Variants in HMCN1 observed in about 807,000 individuals in gnomAD.
The protein encoded by HMCN1 is hemicentin-1.
Under a neutral mutation model 625.9 loss-of-function variants are expected in HMCN1, and 321 were observed. That is an observed-to-expected ratio of 0.51 (90% CI 0.47 to 0.56). HMCN1 has a LOEUF of 0.56. HMCN1 is among the 20% of genes least tolerant of loss of function. The pLI is 0.00. For missense variants in HMCN1, 6,588 were observed against 6,887.3 expected (o/e 0.96, Z 1.54); for synonymous variants, 2,425 against 2,417.6 (o/e 1.00, Z -0.09).
chr1:186,043,275 T>C (rs979461148), intron 40 of HMCN1, among the ~76,000 whole-genome samples: 4 of 152,070 alleles, frequency 2.6e-5, no homozygotes, highest in African/African-American at 9.7e-5. Context: ...GCTGAGGATC[T>C]AAAGGGTAGA....
At position 186,003,840 on chromosome 1, in the gene HMCN1, G is replaced by A. The variant is rs531634952; in HGVS notation, c.4471G>A (p.Gly1491Ser). ...PFPDIHWFKD[G>S]KPLFLGDPNV... ...TCCTGATATTCATTGGTTCAAAGAT[G>A]GCAAGTGAGTATCTTTTCTGTATTT... is the stretch of plus-strand genomic sequence containing the variant. The change falls in exon 29 of 107, where the codon GGC becomes AGC. Residue 1491 changes from glycine (G) to serine (S), a missense_variant. This residue lies in a region of HMCN1 where 4,628 missense variants were observed against 4,853.1 expected (regional missense o/e 0.95). Coordinates refer to ENST00000271588, the MANE Select transcript of HMCN1 (RefSeq NM_031935.3). 6.2e-7 allele frequency: 1 copy of A among 1,613,076 alleles called. No individual in the cohort carries two copies. Among genetic ancestry groups the A allele is most frequent in the East Asian group, 2.2e-5 (1 of 44,826 alleles).
At chr1:185,740,876 C>T (rs956628036) in intron 1 of HMCN1, among the ~76,000 whole-genome samples, 1 of 152,066 alleles carries the variant, frequency 6.6e-6, no homozygotes, top group Non-Finnish European at 1.5e-5. Flanking sequence ...TGCCTATAGT[C>T]TCAGCTTCTT....
intron 96 of HMCN1, 29 bp from the exon 97 acceptor site, chr1:186,153,721 G>A (rs1329295730): frequency 6.3e-7 from 1 of 1,585,250 alleles, no homozygotes; most frequent in Admixed American, 1.7e-5. Context: ...GAGCCATATT[G>A]ATCTTCAAAT....
chr1:186,015,151 C>CTTTG lies in HMCN1; in HGVS notation c.4631-6_4631-3dup, dbSNP rs1306722010. On this transcript the variant is annotated splice_region_variant and splice_polypyrimidine_tract_variant and intron_variant, in intron 30 of 106. Transcript: ENST00000271588. ...GATGACTTGTTTTTGTTCTGAAATC[C>CTTTG]TTTGTAGTTCCACCTAGTATTAAAG... The CTTTG allele has an allele frequency of 6.2e-7, 1 of 1,611,996 alleles. No homozygotes were observed. The highest frequency in any genetic ancestry group is 8.5e-7 in the Non-Finnish European group (1 of 1,178,440).
intron 14 of HMCN1, among the ~76,000 whole-genome samples, chr1:185,967,227 A>G (rs1264571743): frequency 1.3e-5 from 2 of 152,166 alleles, no homozygotes; most frequent in East Asian, 3.9e-4. Flanking sequence ...ATATGTGTAT[A>G]TAGCAGAGTC....
intron 14 of HMCN1, among the ~76,000 whole-genome samples, 162 bp from the exon 15 acceptor site, chr1:185,970,173 G>C (rs981264128): frequency 6.6e-6 from 1 of 152,090 alleles, no homozygotes; most frequent in Non-Finnish European, 1.5e-5. Context: ...GTTTATTACA[G>C]GTCTGAATTT....
In HMCN1 at chr1:185,838,137, C is replaced by T. The variant is rs144253078; in HGVS notation, c.269-7889C>T. Reference sequence around the variant, plus strand: ...ATATAGGTTGTGCTTCACCTCTAGGCAGCCTGGTTTGCCAGATTCCCCTTC... The same window carrying T: ...ATATAGGTTGTGCTTCACCTCTAGGTAGCCTGGTTTGCCAGATTCCCCTTC... On this transcript the variant is annotated intron_variant, in intron 1 of 106. Transcript: ENST00000271588. Among the ~76,000 whole-genome samples, 7 of 152,260 alleles carry T rather than the reference C, an allele frequency of 4.6e-5. No homozygotes were observed. The East Asian group carries it at 9.7e-4, about 21-fold the overall frequency.
rs370407257 is a variant in HMCN1 at position 186,108,456 on chromosome 1, C to A, written c.10853-5C>A. ...TGCTTTTGTTGTATTTGTTCTCACA[C>A]CCAGTACCTCCTAATATTGCTGGAA... On this transcript the variant is annotated splice_polypyrimidine_tract_variant and splice_region_variant and intron_variant, in intron 70 of 106. Transcript: ENST00000271588. 6.8e-6 allele frequency: 11 copies of A among 1,613,946 alleles called. No individual in the cohort carries two copies. Among genetic ancestry groups the A allele is most frequent in the Non-Finnish European group, 8.5e-6 (10 of 1,179,992 alleles).
rs75434410 is a variant in HMCN1, at chr1:185,786,559, A to G, written c.268+51512A>G. Among the ~76,000 whole-genome samples, 901 of 152,226 alleles carry G rather than the reference A, an allele frequency of 5.9e-3. 5 individuals carry two copies. The highest frequency in any genetic ancestry group is 0.021 in the African/African-American group (861 of 41,534). On this transcript the variant is annotated intron_variant, in intron 1 of 106. Coordinates refer to ENST00000271588, the MANE Select transcript of HMCN1 (RefSeq NM_031935.3). The stretch of plus-strand genomic sequence containing the variant: ...TTTGATTTCCTTGGAAATCTGTCCT[A>G]TGGTTTAGACTGGGCCCAGCAGTTG...
intron 4 of HMCN1, among the ~76,000 whole-genome samples, chr1:185,894,993 A>G (rs16824657): frequency 0.064 from 9,662 of 152,154 alleles, 1,072 homozygotes; most frequent in African/African-American, 0.22. Flanking sequence ...TAGAGTTATC[A>G]ATTTGGCTTT....
intron 1 of HMCN1, among the ~76,000 whole-genome samples, chr1:185,803,195 A>G (rs1014125937): frequency 1.4e-5 from 2 of 144,328 alleles, no homozygotes; most frequent in African/African-American, 5.5e-5. Flanking sequence ...AACCAAAAAA[A>G]AAAAAAAAGC....
intron 28 of HMCN1, among the ~76,000 whole-genome samples, chr1:186,003,241 A>G (rs1423156527): frequency 6.6e-6 from 1 of 152,132 alleles, no homozygotes; most frequent in Non-Finnish European, 1.5e-5. Flanking sequence ...AAACTAGCAC[A>G]TTATTTTTCA....
intron 97 of HMCN1, among the ~76,000 whole-genome samples, chr1:186,156,371 T>C (rs1382323083): frequency 6.6e-6 from 1 of 152,116 alleles, no homozygotes; most frequent in Non-Finnish European, 1.5e-5. Context: ...ATACCCTCAG[T>C]AGAAAAATGC....
intron 24 of HMCN1, among the ~76,000 whole-genome samples, chr1:185,996,920 A>G (rs970153758): frequency 1.3e-5 from 2 of 152,094 alleles, no homozygotes; most frequent in African/African-American, 4.8e-5. Flanking sequence ...TAAGTCAATG[A>G]TGAGATTTGT....
intron 89 of HMCN1, among the ~76,000 whole-genome samples, chr1:186,143,262 G>A (rs988085451): frequency 1.3e-5 from 2 of 152,280 alleles, no homozygotes; most frequent in Admixed American, 6.5e-5. Context: ...ACTTGTTCTG[G>A]AGAATATTTA....
chr1:185,852,618 AC>A (rs1662233696), intron 2 of HMCN1, among the ~76,000 whole-genome samples: 2 of 144,890 alleles, frequency 1.4e-5, no homozygotes, highest in Admixed American at 1.4e-4. Context: ...ACACACACAC[AC>A]ACACACTTTA....
intron 2 of HMCN1, among the ~76,000 whole-genome samples, chr1:185,855,033 A>G (rs1389493349): frequency 6.6e-6 from 1 of 152,202 alleles, no homozygotes; most frequent in Non-Finnish European, 1.5e-5. Context: ...AGCAGAGAGG[A>G]AAAACAGAGA....
chr1:185,869,039 A>G (rs1300518407), intron 4 of HMCN1, among the ~76,000 whole-genome samples: 1 of 152,196 alleles, frequency 6.6e-6, no homozygotes, highest in Admixed American at 6.5e-5. Flanking sequence ...AGCAATTCTA[A>G]CCACCTCACC....
chr1:185,989,054 C>T (rs1254937240), intron 20 of HMCN1, among the ~76,000 whole-genome samples: 1 of 138,436 alleles, frequency 7.2e-6, no homozygotes, highest in East Asian at 2.1e-4. Flanking sequence ...GTCACACAGG[C>T]TGGAGTGCAG....
Sources: gnomAD v4.1 joint callset for allele counts (sites outside exome capture counted in the v4.1 genomes callset) on GRCh38, gnomAD v4.1.1 for gene constraint, gnomAD v4.1.1 regional missense constraint, MANE v1.5 for transcripts, NCBI Gene and HGNC (gene_info 2026-07-23, HGNC 2026-07-21) for gene names.